Variants in CD96 observed in about 807,000 individuals in gnomAD.
CD96 encodes CD96 molecule.
In CD96, 70 loss-of-function variants were observed where a neutral mutation model predicts 71.3. The observed-to-expected ratio is 0.98, with a 90% confidence interval of 0.81 to 1.20. The LOEUF is 1.20. CD96 is among the 50% of genes most tolerant of loss of function. The pLI, the probability that CD96 is intolerant of heterozygous loss-of-function variation, is 0.00. For synonymous variants in CD96, 248 were observed against 233.0 expected (o/e 1.06, Z -0.59); for missense variants, 742 against 677.5 (o/e 1.10, Z -1.06).
At chr3:111,580,853 T>C (rs1936433074) in intron 4 of CD96, among the ~76,000 whole-genome samples, 1 of 152,190 alleles carries the variant, frequency 6.6e-6, no homozygotes, top group African/African-American at 2.4e-5. Context: ...GCTGTGACTG[T>C]CTTAGTGCAA....
intron 3 of CD96, among the ~76,000 whole-genome samples, chr3:111,578,123 T>C (rs1331627751): frequency 6.6e-6 from 1 of 152,186 alleles, no homozygotes; most frequent in Non-Finnish European, 1.5e-5. Flanking sequence ...TAACAGGATA[T>C]GAAGACCTAA....
Position 111,638,127 on chromosome 3 carries a change from C to A in CD96, c.1436C>A (p.Thr479Asn). The A allele has an allele frequency of 6.2e-7, 1 of 1,611,628 alleles. No individual in the cohort carries two copies. Among genetic ancestry groups the A allele is most frequent in the Non-Finnish European group, 8.5e-7 (1 of 1,177,766 alleles). ...AGAGCATTTTCAGAAGTCCCCACAA[C>A]TGCCAATGGATCTACGAAAACTAAT... The part of the protein sequence containing the change: ...TARAFSEVPT[T>N]ANGSTKTNHV... Residue 479 changes from threonine (T) to asparagine (N), a missense_variant, in exon 12 of 14, where the codon ACT (threonine) becomes AAT (asparagine). Physicochemically the swap from Thr to Asn is moderately conservative, Grantham distance 65. Coordinates refer to ENST00000352690, the MANE Select transcript of CD96 (RefSeq NM_005816.5).
At chr3:111,594,009 G>A (rs2107629428) in intron 5 of CD96, 1 of 1,614,194 alleles carries the variant, frequency 6.2e-7, no homozygotes, top group East Asian at 2.2e-5. Flanking sequence ...GCACGAGCAG[G>A]AGCTAGGTGG....
chr3:111,555,975 G>C, intron 2 of CD96, among the ~76,000 whole-genome samples: 1 of 152,270 alleles, frequency 6.6e-6, no homozygotes, highest in Admixed American at 6.5e-5. Context: ...TCTCCCTTGA[G>C]ATTAGATAAT....
Position 111,638,162 on chromosome 3 carries a change from A to G in CD96, c.1471A>G (p.Ile491Val). The G allele has an allele frequency of 3.2e-6, 5 of 1,575,170 alleles. No individual in the cohort carries two copies. The highest frequency in any genetic ancestry group is 4.4e-6 in the Non-Finnish European group (5 of 1,144,522). Residue 491 changes from isoleucine to valine, a missense_variant, in exon 12 of 14, where the codon ATC becomes GTC. Ile to Val is a conservative substitution (Grantham distance 29). Coordinates refer to ENST00000352690, the MANE Select transcript of CD96 (RefSeq NM_005816.5). Reference protein sequence around the residue: ...NGSTKTNHVHITGIVVNKPKD... With the variant: ...NGSTKTNHVHVTGIVVNKPKD... Reference sequence around the variant, plus strand: ...ATCTACGAAAACTAATCACGTCCATATCACTGGTAAGTCATTTATCCTATT... The same window carrying G: ...ATCTACGAAAACTAATCACGTCCATGTCACTGGTAAGTCATTTATCCTATT...
chr3:111,606,775 G>A lies in CD96; in HGVS notation c.1163G>A (p.Ser388Asn). The A allele has an allele frequency of 6.3e-7, 1 of 1,584,516 alleles. No homozygotes were observed. The highest frequency in any genetic ancestry group is 2.2e-5 in the East Asian group (1 of 44,722). Reference protein sequence around the residue: ...STLDTQPSPASSVSPARYPAT... With the variant: ...STLDTQPSPANSVSPARYPAT... The stretch of plus-strand genomic sequence containing the variant: ...CTTGACACCCAACCTTCTCCAGCCA[G>A]CAGTGTATCTCCTGCAAGTAAGAAT... Residue 388 changes from serine to asparagine, a missense_variant, in exon 8 of 14, where the codon AGC (serine) becomes AAC (asparagine). Ser to Asn is a conservative substitution (Grantham distance 46). Coordinates refer to ENST00000352690, the MANE Select transcript of CD96 (RefSeq NM_005816.5).
intron 7 of CD96, 39 bp downstream of exon 7, chr3:111,600,953 A>G: frequency 1.6e-6 from 2 of 1,259,706 alleles, no homozygotes; most frequent in South Asian, 1.2e-5. Flanking sequence ...AGAGTTTGCT[A>G]AGACTGCCAT....
At chr3:111,544,952 G>T (rs1934310031) in intron 1 of CD96, 94 bp from the exon 2 acceptor site, 2 of 1,018,608 alleles carry the variant, frequency 2.0e-6, no homozygotes, top group Non-Finnish European at 3.1e-6. Flanking sequence ...TTCCTCAGTT[G>T]CTCCCCTCAC....
chr3:111,545,271 A>C lies in CD96; in HGVS notation c.287A>C (p.Glu96Ala), dbSNP rs767797409. 1.1e-5 allele frequency: 17 copies of C among 1,613,966 alleles called. No individual in the cohort carries two copies. The highest frequency in any genetic ancestry group is 1.4e-5 in the Non-Finnish European group (17 of 1,179,928). ...ESLVTFTETP[E>A]NGSKWTLHLR... ...CTTGTGACTTTCACAGAAACTCCTGAGAATGGGTCAAAATGGACTCTGCAC... is the reference window on the plus strand; with the variant it reads ...CTTGTGACTTTCACAGAAACTCCTGCGAATGGGTCAAAATGGACTCTGCAC... The change falls in exon 2 of 14, where the codon GAG (glutamate) becomes GCG (alanine). Residue 96 changes from glutamate to alanine, a missense_variant. Coordinates refer to ENST00000352690, the MANE Select transcript of CD96 (RefSeq NM_005816.5).
intron 3 of CD96, among the ~76,000 whole-genome samples, chr3:111,576,841 G>T (rs937736205): frequency 6.6e-6 from 1 of 152,108 alleles, no homozygotes; most frequent in South Asian, 2.1e-4. Context: ...TTCGTTGTTT[G>T]CCTGTGCTAA....
intron 8 of CD96, among the ~76,000 whole-genome samples, chr3:111,623,052 G>T (rs928810709): frequency 1.3e-5 from 2 of 152,100 alleles, no homozygotes; most frequent in Admixed American, 1.3e-4. Context: ...ATTGCACATT[G>T]ATATAAACCA....
At chr3:111,609,115 A>G (rs1012582036) in intron 8 of CD96, among the ~76,000 whole-genome samples, 3 of 152,088 alleles carry the variant, frequency 2.0e-5, no homozygotes, top group African/African-American at 7.2e-5. Flanking sequence ...AGAGCTCGAA[A>G]GAACGTTCTA....
chr3:111,557,610 C>G (rs1445872506), intron 2 of CD96, among the ~76,000 whole-genome samples: 3 of 127,632 alleles, frequency 2.4e-5, no homozygotes, highest in Non-Finnish European at 5.0e-5. Flanking sequence ...TTACTGTAGC[C>G]TTGTAGTATA....
intron 4 of CD96, among the ~76,000 whole-genome samples, chr3:111,581,264 G>A (rs1259165204): frequency 6.6e-6 from 1 of 152,020 alleles, no homozygotes; most frequent in Non-Finnish European, 1.5e-5. Flanking sequence ...TGGCTGGGCG[G>A]GTTGTGTTTG....
rs1174059865 is a variant in CD96 at position 111,651,955 on chromosome 3, A to G, written c.*2149A>G. The G allele has an allele frequency of 6.6e-6, 1 of 152,118 alleles. No homozygotes were observed. Among genetic ancestry groups the G allele is most frequent in the Non-Finnish European group, 1.5e-5 (1 of 68,034 alleles). The allele number at this position is 152,118 out of a possible 1,614,324, so 9.4% of individuals were successfully genotyped here. ...TGTCAAGGAACTAAGGTATTTTGCT[A>G]ACAAGCACCAACTTGCCAGCCATGT... On this transcript the variant is annotated 3_prime_UTR_variant, in exon 14 of 14. Coordinates refer to ENST00000352690, the MANE Select transcript of CD96 (RefSeq NM_005816.5).
intron 3 of CD96, 101 bp downstream of exon 3, chr3:111,567,748 C>A: frequency 2.7e-6 from 3 of 1,093,728 alleles, no homozygotes; most frequent in Non-Finnish European, 4.2e-6. Flanking sequence ...ATACAAATAA[C>A]AGGCAGGCAT....
At chr3:111,577,595 T>A in intron 3 of CD96, 4 of 1,227,980 alleles carry the variant, frequency 3.3e-6, no homozygotes, top group Non-Finnish European at 4.8e-6. Context: ...AGTATGATTA[T>A]TTGCAGGCAA....
chr3:111,615,840 T>C (rs1210236570), intron 8 of CD96, among the ~76,000 whole-genome samples: 2 of 152,206 alleles, frequency 1.3e-5, no homozygotes, highest in Non-Finnish European at 2.9e-5. Context: ...GACTGCCCTC[T>C]CCCTTTCTCT....
chr3:111,546,919 TAC>T lies in CD96; in HGVS notation c.418+1544_418+1545del, dbSNP rs60838213. 2.8e-3 allele frequency among the ~76,000 whole-genome samples: 388 copies of T among 137,976 alleles called. 2 individuals are homozygous for T. Among genetic ancestry groups the T allele is most frequent in the East Asian group, 8.3e-3 (38 of 4,556 alleles). The allele number at this position is 137,976 out of a possible 152,430, so 90.5% of individuals were successfully genotyped here. The stretch of plus-strand genomic sequence containing the variant: ...CCACACACACACACACACAGACACA[TAC>T]ACACACACACACACACACACACACA... On this transcript the variant is annotated intron_variant, in intron 2 of 13. Coordinates refer to ENST00000352690, the MANE Select transcript of CD96 (RefSeq NM_005816.5).
Sources: allele counts gnomAD v4.1 joint callset (sites outside exome capture counted in the v4.1 genomes callset), GRCh38; gene constraint gnomAD v4.1.1; transcripts MANE v1.5; gene names NCBI Gene and HGNC (gene_info 2026-07-23, HGNC 2026-07-21).